Variants in LRRC4C observed in about 807,000 individuals in gnomAD.
The protein encoded by LRRC4C is leucine-rich repeat-containing protein 4C.
A neutral mutation model predicts 33.6 loss-of-function variants in LRRC4C; 5 were observed. The observed-to-expected ratio is 0.15, with a 90% CI of 0.08 to 0.31. LRRC4C has a LOEUF of 0.31. Ranked by LOEUF, LRRC4C falls within the 10% of genes least tolerant of loss-of-function variation. The pLI, the probability that LRRC4C is intolerant of heterozygous loss-of-function variation, is 1.00. For synonymous variants in LRRC4C, 329 were observed against 302.0 expected, an observed-to-expected ratio of 1.09 and a Z score of -0.93; for missense variants, 560 against 796.7, an observed-to-expected ratio of 0.70 and a Z score of 3.58.
chr11:40,585,874 G>C (rs1237637479), intron 3 of LRRC4C, among the ~76,000 whole-genome samples: 1 of 135,558 alleles, frequency 7.4e-6, no homozygotes, highest in Admixed American at 7.7e-5. Flanking sequence ...GTCTATCATT[G>C]TTGGACATTT....
chr11:40,505,710 T>C (rs1222838636), intron 3 of LRRC4C, among the ~76,000 whole-genome samples: 42 of 152,184 alleles, frequency 2.8e-4, no homozygotes, highest in Admixed American at 2.7e-3. Context: ...AGGGATTCTC[T>C]TGACACTTGC....
At chr11:40,411,924 T>C (rs1950170021) in intron 3 of LRRC4C, among the ~76,000 whole-genome samples, 1 of 152,058 alleles carries the variant, frequency 6.6e-6, no homozygotes, top group South Asian at 2.1e-4. Context: ...ATGAGATTAG[T>C]TCTAATACTG....
intron 3 of LRRC4C, among the ~76,000 whole-genome samples, chr11:40,378,075 C>G (rs1009653190): frequency 6.6e-6 from 1 of 151,936 alleles, no homozygotes; most frequent in Non-Finnish European, 1.5e-5. Context: ...GAACTTTTTG[C>G]TAATCTGGGC....
At chr11:40,237,686 TA>T (rs1362107136) in intron 5 of LRRC4C, among the ~76,000 whole-genome samples, 5 of 152,168 alleles carry the variant, frequency 3.3e-5, no homozygotes, top group Admixed American at 3.3e-4. Flanking sequence ...GTTTTTAAAC[TA>T]AAAAATGAAG....
intron 2 of LRRC4C, among the ~76,000 whole-genome samples, chr11:40,731,189 A>G (rs77159676): frequency 0.37 from 55,842 of 150,488 alleles, 10,689 homozygotes; most frequent in African/African-American, 0.4. Context: ...CGTGGTGGCA[A>G]GTGCCTGTAG....
chr11:40,594,717 T>G (rs901570109), intron 3 of LRRC4C, among the ~76,000 whole-genome samples: 2 of 152,186 alleles, frequency 1.3e-5, no homozygotes, highest in African/African-American at 4.8e-5. Context: ...GACTGACATC[T>G]CTGATTTGGG....
At chr11:40,587,194 C>T (rs887627898) in intron 3 of LRRC4C, among the ~76,000 whole-genome samples, 1 of 151,678 alleles carries the variant, frequency 6.6e-6, no homozygotes, top group African/African-American at 2.4e-5. Context: ...CCTTCACTTC[C>T]CTTGTAAGTT....
rs77434136 is a variant in LRRC4C, at chr11:40,600,604, G to A, written c.-270+47538C>T. Among the ~76,000 whole-genome samples the A allele has an allele frequency of 3.9e-5, 6 of 152,276 alleles. No homozygotes were observed. The East Asian group carries it at 1.2e-3, about 29-fold the overall frequency. ...ACTTCTGTTGAGAATCATTGTGCTA[G>A]TAAATCTAAAAGAAGCTATGGAGAA... On this transcript the variant is annotated intron_variant, in intron 3 of 6. Transcript: ENST00000528697.
chr11:40,345,686 A>G (rs915231593), intron 3 of LRRC4C, among the ~76,000 whole-genome samples: 1 of 152,208 alleles, frequency 6.6e-6, no homozygotes, highest in African/African-American at 2.4e-5. Context: ...AACACAACCA[A>G]AAATTACCAA....
chr11:40,396,359 T>C (rs1003281991), intron 3 of LRRC4C, among the ~76,000 whole-genome samples: 21 of 152,160 alleles, frequency 1.4e-4, no homozygotes, highest in African/African-American at 5.1e-4. Context: ...TCATTTACTT[T>C]ACTGCTAAGA....
At chr11:40,915,581 A>G (rs555134817) in intron 2 of LRRC4C, among the ~76,000 whole-genome samples, 209 of 152,300 alleles carry the variant, frequency 1.4e-3, no homozygotes, top group African/African-American at 4.8e-3. Context: ...TAGACCTAAA[A>G]CCATAAAAAC....
chr11:41,228,838 T>C (rs554065911), intron 1 of LRRC4C, among the ~76,000 whole-genome samples: 1 of 152,276 alleles, frequency 6.6e-6, no homozygotes, highest in Non-Finnish European at 1.5e-5. Context: ...CTTAACTGCA[T>C]CTTTACAAAT....
chr11:40,675,942 A>G (rs556207485), intron 2 of LRRC4C, among the ~76,000 whole-genome samples: 88 of 152,322 alleles, frequency 5.8e-4, no homozygotes, highest in African/African-American at 2.0e-3. Flanking sequence ...ACTCTTAAGT[A>G]TAGTAACTAT....
intron 1 of LRRC4C, among the ~76,000 whole-genome samples, chr11:41,047,414 G>A (rs1433361359): frequency 2.0e-5 from 3 of 152,160 alleles, no homozygotes; most frequent in Middle Eastern, 3.4e-3. Flanking sequence ...GTAATATGAT[G>A]CAACTACTAT....
chr11:40,582,012 C>G (rs909749130), intron 3 of LRRC4C, among the ~76,000 whole-genome samples: 6 of 152,102 alleles, frequency 3.9e-5, no homozygotes, highest in Middle Eastern at 3.4e-3. Context: ...ACACATTTTT[C>G]CAAGTGGAAA....
At chr11:40,854,557 T>G (rs1207019882) in intron 2 of LRRC4C, among the ~76,000 whole-genome samples, 1 of 152,156 alleles carries the variant, frequency 6.6e-6, no homozygotes, top group Non-Finnish European at 1.5e-5. Context: ...CTGTGGACTT[T>G]TTTCATTTTT....
chr11:40,526,602 TA>T (rs1956060883), intron 3 of LRRC4C, among the ~76,000 whole-genome samples: 3 of 152,124 alleles, frequency 2.0e-5, no homozygotes, highest in Admixed American at 1.3e-4. Context: ...GAAACAATGC[TA>T]TTGGGAGCAT....
At chr11:40,349,402 A>ATT (rs34867723) in intron 3 of LRRC4C, among the ~76,000 whole-genome samples, 41 of 149,124 alleles carry the variant, frequency 2.7e-4, no homozygotes, top group South Asian at 8.5e-4. Flanking sequence ...ACAGAATCTC[A>ATT]TTTTTTTTTT....
At chr11:40,652,259 A>G (rs749654626) in intron 2 of LRRC4C, among the ~76,000 whole-genome samples, 1 of 152,202 alleles carries the variant, frequency 6.6e-6, no homozygotes, top group Admixed American at 6.5e-5. Context: ...GATATCTAGG[A>G]TCTAAAAACA....
Sources: gnomAD v4.1 joint callset for allele counts (sites outside exome capture counted in the v4.1 genomes callset) on GRCh38, gnomAD v4.1.1 for gene constraint, MANE v1.5 for transcripts, NCBI Gene and HGNC (gene_info 2026-07-23, HGNC 2026-07-21) for gene names.